Variants in STX6 observed in about 807,000 individuals in gnomAD.
STX6 encodes the protein syntaxin-6.
In STX6, 23 loss-of-function variants were observed where a neutral mutation model predicts 38.0. The observed-to-expected ratio is 0.60, with a 90% CI of 0.43 to 0.86. The LOEUF is 0.86. Ranked by LOEUF, STX6 falls within the 40% of genes least tolerant of loss-of-function variation. STX6 has a pLI of 0.00. For missense variants in STX6, 274 were observed against 312.9 expected, an observed-to-expected ratio of 0.88 and a Z score of 0.94; for synonymous variants, 123 against 107.5, an observed-to-expected ratio of 1.14 and a Z score of -0.89.
At chr1:181,003,304 G>C (rs1034927258) in intron 2 of STX6, among the ~76,000 whole-genome samples, 1 of 152,128 alleles carries the variant, frequency 6.6e-6, no homozygotes, top group Admixed American at 6.5e-5. Flanking sequence ...TCAAAGTTCT[G>C]TGAGGGCTGG....
Position 181,003,254 on chromosome 1 carries a change from G to A in STX6, c.206-554C>T, listed in dbSNP as rs558421014. Among the ~76,000 whole-genome samples the A allele has an allele frequency of 2.6e-5, 4 of 152,180 alleles. No individual in the cohort carries two copies. The South Asian group carries it at 8.3e-4, about 32-fold the overall frequency. The stretch of plus-strand genomic sequence containing the variant: ...TCATAGTCTGCAGGTATCTATTTGT[G>A]TTATTACTTGATTACCATCTGTCCC... On this transcript the variant is annotated intron_variant, in intron 2 of 7. Coordinates refer to ENST00000258301, the MANE Select transcript of STX6 (RefSeq NM_005819.6).
Position 180,993,372 on chromosome 1 carries a change from T to C in STX6, c.354A>G (p.Lys118=), listed in dbSNP as rs1396293549. 6.4e-7 allele frequency: 1 copy of C among 1,571,270 alleles called. No individual in the cohort carries two copies. The highest frequency in any genetic ancestry group is 8.8e-7 in the Non-Finnish European group (1 of 1,142,190). The change falls in exon 4 of 8, where the codon AAA becomes AAG. Residue 118 remains lysine (K), a synonymous_variant. Transcript: ENST00000258301. ...TCTGATGTTTTCTCACCTGTCTATT[T>C]TTTCTTTCAGCTAATGCCTGCACAG... ...TSSVQALAER[K]NRQALLGDSG...
At position 181,022,789 on chromosome 1, in the gene STX6, A is replaced by G. The variant is rs1017503858; in HGVS notation, c.-116T>C. 17 of 1,072,028 alleles carry G rather than the reference A, an allele frequency of 1.6e-5. No homozygotes were observed. The highest frequency in any genetic ancestry group is 1.3e-4 in the Admixed American group (6 of 47,974). 66.4% of individuals were successfully genotyped at this position (1,072,028 alleles called of 1,614,324 possible). On this transcript the variant is annotated 5_prime_UTR_variant, in exon 1 of 8. Transcript: ENST00000258301. ...GCTGCCCGCGCCTTAGTCTGGGTGAAGCCGAGCAGCGGGCACGCGCACAGG... is the reference window on the plus strand; with the variant it reads ...GCTGCCCGCGCCTTAGTCTGGGTGAGGCCGAGCAGCGGGCACGCGCACAGG...
At chr1:181,017,466 C>T (rs1346689533) in intron 1 of STX6, among the ~76,000 whole-genome samples, 1 of 152,172 alleles carries the variant, frequency 6.6e-6, no homozygotes, top group Non-Finnish European at 1.5e-5. Context: ...AATAAAATAG[C>T]AAAGAGCCAT....
At chr1:181,022,456 A>G (rs1048326277) in intron 1 of STX6, among the ~76,000 whole-genome samples, 183 bp downstream of exon 1, 16 of 152,254 alleles carry the variant, frequency 1.1e-4, no homozygotes, top group African/African-American at 2.6e-4. Context: ...TTCACGGTCC[A>G]GGTAGGGATG....
chr1:180,996,684 C>T (rs566430618), intron 3 of STX6, among the ~76,000 whole-genome samples: 2 of 152,204 alleles, frequency 1.3e-5, no homozygotes, highest in Admixed American at 1.3e-4. Context: ...ACAATCCTCC[C>T]ACCTCAGCCT....
intron 3 of STX6, among the ~76,000 whole-genome samples, chr1:180,995,127 T>C (rs1655868206): frequency 6.6e-6 from 1 of 151,992 alleles, no homozygotes; most frequent in South Asian, 2.1e-4. Flanking sequence ...CACACCCAGC[T>C]CATTTTCCTA....
intron 1 of STX6, among the ~76,000 whole-genome samples, chr1:181,016,501 A>G (rs537934552): frequency 6.6e-6 from 1 of 152,320 alleles, no homozygotes; most frequent in Admixed American, 6.5e-5. Context: ...TGTTCTTACA[A>G]CGAAACACTG....
At chr1:181,014,096 A>C (rs1656485674) in intron 1 of STX6, among the ~76,000 whole-genome samples, 2 of 152,212 alleles carry the variant, frequency 1.3e-5, no homozygotes, top group African/African-American at 4.8e-5. Flanking sequence ...TGCCAGCTTC[A>C]CAATTTAATA....
chr1:180,974,049 C>CT lies in STX6; in HGVS notation c.*2520dup, dbSNP rs1245753227. 1 of 152,204 alleles carries CT rather than the reference C, an allele frequency of 6.6e-6. No individual in the cohort carries two copies. Among genetic ancestry groups the CT allele is most frequent in the Non-Finnish European group, 1.5e-5 (1 of 68,044 alleles). 9.4% of individuals were successfully genotyped at this position (152,204 alleles called of 1,614,324 possible). ...CTAGGACACAGGGTGAAGAGACCAC[C>CT]TGGGTTCCCTCTAAAGCCCTGAACA... is the stretch of plus-strand genomic sequence containing the variant. On this transcript the variant is annotated 3_prime_UTR_variant, in exon 8 of 8. Coordinates refer to ENST00000258301, the MANE Select transcript of STX6 (RefSeq NM_005819.6).
intron 1 of STX6, among the ~76,000 whole-genome samples, chr1:181,008,989 T>G (rs1010887278): frequency 2.0e-5 from 3 of 152,118 alleles, no homozygotes; most frequent in South Asian, 2.1e-4. Context: ...ACATAAGTGC[T>G]TTTCCTAGAG....
chr1:181,007,992 A>G (rs1002200535), intron 1 of STX6, among the ~76,000 whole-genome samples: 6 of 152,218 alleles, frequency 3.9e-5, no homozygotes, highest in African/African-American at 1.4e-4. Flanking sequence ...TTTTGGTAGA[A>G]GCATATGATG....
intron 7 of STX6, among the ~76,000 whole-genome samples, chr1:180,982,406 G>A (rs540176358): frequency 1.2e-4 from 19 of 152,288 alleles, no homozygotes; most frequent in Non-Finnish European, 1.9e-4. Context: ...GTGAAGCACC[G>A]TTCAGGATAA....
chr1:181,013,096 A>C (rs6687479), intron 1 of STX6, among the ~76,000 whole-genome samples: 2,069 of 151,724 alleles, frequency 0.014, 55 homozygotes, highest in African/African-American at 0.048. Flanking sequence ...ACCTCCCAAT[A>C]TGGTACATCA....
At position 180,972,764 on chromosome 1, in the gene STX6, T is replaced by C. The variant is rs528083105; in HGVS notation, c.*3806A>G. The C allele has an allele frequency of 6.7e-4, 262 of 390,786 alleles. 3 individuals carry two copies. The highest frequency in any genetic ancestry group is 4.7e-3 in the South Asian group (241 of 51,646). 24.2% of individuals were successfully genotyped at this position (390,786 alleles called of 1,614,324 possible). Reference sequence around the variant, plus strand: ...TTTTATTTTCCTTTTCCGGAGACTTTTGTACATACTGTTGTCCTGAGTAAC... The same window carrying C: ...TTTTATTTTCCTTTTCCGGAGACTTCTGTACATACTGTTGTCCTGAGTAAC... On this transcript the variant is annotated 3_prime_UTR_variant, in exon 8 of 8. Transcript: ENST00000258301.
intron 6 of STX6, 153 bp downstream of exon 6, chr1:180,988,086 G>A (rs1018298200): frequency 3.8e-6 from 2 of 524,528 alleles, no homozygotes; most frequent in Non-Finnish European, 6.8e-6. Flanking sequence ...CTTCTTTTGG[G>A]GAGGCTAATC....
intron 1 of STX6, among the ~76,000 whole-genome samples, chr1:181,011,802 C>T (rs1003046889): frequency 1.1e-4 from 16 of 152,276 alleles, no homozygotes; most frequent in Middle Eastern, 3.4e-3. Context: ...CTACCCACCA[C>T]TGTTGTCCGT....
At position 181,020,404 on chromosome 1, in the gene STX6, C is replaced by T. The variant is rs74833611; in HGVS notation, c.35+2235G>A. ...AATATTTTGAATGTATTAGAGATTA[C>T]ATTAGAATTAATTTCACCTGTTCCT... is the stretch of plus-strand genomic sequence containing the variant. On this transcript the variant is annotated intron_variant, in intron 1 of 7. Transcript: ENST00000258301. 3.9e-3 allele frequency among the ~76,000 whole-genome samples: 598 copies of T among 152,230 alleles called. 6 individuals carry two copies. Among genetic ancestry groups the T allele is most frequent in the African/African-American group, 0.014 (571 of 41,528 alleles).
intron 7 of STX6, among the ~76,000 whole-genome samples, chr1:180,981,950 A>G (rs76595580): frequency 0.012 from 1,845 of 152,310 alleles, 41 homozygotes; most frequent in African/African-American, 0.042. Context: ...CTCTCTCAAA[A>G]TATTTTTCTC....
Sources: allele counts gnomAD v4.1 joint callset (sites outside exome capture counted in the v4.1 genomes callset), GRCh38; gene constraint gnomAD v4.1.1; transcripts MANE v1.5; gene names NCBI Gene and HGNC (gene_info 2026-07-23, HGNC 2026-07-21).